Variants in MAML3 observed in about 807,000 individuals in gnomAD.
The protein encoded by MAML3 is mastermind like transcriptional coactivator 3.
Under a neutral mutation model 101.9 loss-of-function variants are expected in MAML3, and 27 were observed. That is an observed-to-expected ratio of 0.27 (90% CI 0.20 to 0.37). The LOEUF (loss-of-function observed/expected upper bound fraction) is 0.37. Among genes scored for constraint, MAML3 ranks in the 10% least tolerant of loss-of-function variants. The pLI, the probability that MAML3 is intolerant of heterozygous loss-of-function variation, is 1.00. For synonymous variants in MAML3, 501 were observed against 555.9 expected (o/e 0.90, Z 1.39); for missense variants, 1,316 against 1,444.9 (o/e 0.91, Z 1.45).
At chr4:139,865,496 GTTTTTTT>G (rs1175520994) in intron 2 of MAML3, among the ~76,000 whole-genome samples, 4 of 122,626 alleles carry the variant, frequency 3.3e-5, no homozygotes, top group African/African-American at 1.1e-4. Flanking sequence ...TTTTTTTTTT[GTTTTTTT>G]TTTTTTTCAT....
chr4:139,842,279 T>G (rs946996490), intron 2 of MAML3, among the ~76,000 whole-genome samples: 1 of 152,256 alleles, frequency 6.6e-6, no homozygotes, highest in Admixed American at 6.5e-5. Flanking sequence ...AAGGGAAGGT[T>G]GTTTTATTCA....
intron 1 of MAML3, among the ~76,000 whole-genome samples, chr4:139,998,744 G>C (rs1037062269): frequency 1.3e-5 from 2 of 152,008 alleles, no homozygotes; most frequent in Non-Finnish European, 2.9e-5. Flanking sequence ...TTCTGTTTTT[G>C]TTTATTTCTT....
intron 1 of MAML3, among the ~76,000 whole-genome samples, chr4:140,029,876 T>C (rs912528713): frequency 3.9e-5 from 6 of 152,222 alleles, no homozygotes; most frequent in Non-Finnish European, 8.8e-5. Context: ...AAAGTTACTC[T>C]GGATAGTTTG....
intron 1 of MAML3, among the ~76,000 whole-genome samples, chr4:140,083,035 A>C (rs746762215): frequency 2.3e-4 from 35 of 152,236 alleles, no homozygotes; most frequent in Non-Finnish European, 3.8e-4. Flanking sequence ...ATAGTGCTTA[A>C]CAGTTTACTC....
chr4:139,861,477 A>ATG (rs55851938), intron 2 of MAML3, among the ~76,000 whole-genome samples: 4,930 of 146,210 alleles, frequency 0.034, 100 homozygotes, highest in African/African-American at 0.055. Context: ...TAACCAGCCG[A>ATG]TGTGTGTGTG....
intron 1 of MAML3, among the ~76,000 whole-genome samples, chr4:140,074,787 A>G (rs532309517): frequency 5.3e-5 from 8 of 152,356 alleles, no homozygotes; most frequent in Non-Finnish European, 1.0e-4. Context: ...GATGGCCCAC[A>G]TGGATGGCTG....
rs74480760 is a variant in MAML3 at position 140,084,371 on chromosome 4, G to A, written c.468+68489C>T. Among the ~76,000 whole-genome samples, 877 of 151,874 alleles carry A rather than the reference G, an allele frequency of 5.8e-3. 8 individuals carry two copies. Among genetic ancestry groups the A allele is most frequent in the African/African-American group, 0.02 (812 of 41,358 alleles). On this transcript the variant is annotated intron_variant, in intron 1 of 4. Transcript: ENST00000509479. ...ACTATTTTTGATGGTTTGTTGCCAC[G>A]TGCACAACCTAATGTGCACGTATAC...
intron 1 of MAML3, among the ~76,000 whole-genome samples, chr4:139,971,229 A>G (rs1734230180): frequency 6.6e-6 from 1 of 152,086 alleles, no homozygotes; most frequent in African/African-American, 2.4e-5. Context: ...GGCTACCTAA[A>G]CTGCACTGCA....
At chr4:139,768,162 T>C (rs1729901029) in intron 2 of MAML3, among the ~76,000 whole-genome samples, 1 of 151,974 alleles carries the variant, frequency 6.6e-6, no homozygotes, top group Non-Finnish European at 1.5e-5. Flanking sequence ...CTTTCATGGA[T>C]GCATAAGTTT....
intron 1 of MAML3, among the ~76,000 whole-genome samples, chr4:140,023,881 A>C (rs7655582): frequency 0.58 from 87,975 of 152,092 alleles, 26,571 homozygotes; most frequent in African/African-American, 0.71. Flanking sequence ...ACAGTTTCAC[A>C]AAATTATTCA....
chr4:140,119,072 T>A (rs1362636288), intron 1 of MAML3, among the ~76,000 whole-genome samples: 1 of 152,188 alleles, frequency 6.6e-6, no homozygotes, highest in Admixed American at 6.5e-5. Flanking sequence ...GCAAGGGGTA[T>A]GGTGGCATTC....
chr4:139,759,562 G>C (rs1354950436), intron 2 of MAML3, among the ~76,000 whole-genome samples: 1 of 152,228 alleles, frequency 6.6e-6, no homozygotes, highest in East Asian at 1.9e-4. Flanking sequence ...AATTGTTTTA[G>C]CACCTAGGCA....
chr4:139,725,854 A>G lies in MAML3; in HGVS notation c.2332-19T>C, dbSNP rs1728451129. 6.2e-7 allele frequency: 1 copy of G among 1,600,548 alleles called. No homozygotes were observed. The highest frequency in any genetic ancestry group is 1.1e-5 in the South Asian group (1 of 90,770). On this transcript the variant is annotated intron_variant, in intron 3 of 4. Transcript: ENST00000509479. ...GCAACTGCTAGAACAACAGAACACA[A>G]GAGGGGTGGAGAGGTGAGATAGGGA... is the stretch of plus-strand genomic sequence containing the variant.
intron 2 of MAML3, among the ~76,000 whole-genome samples, chr4:139,772,040 C>G (rs970902068): frequency 2.7e-5 from 4 of 150,532 alleles, no homozygotes; most frequent in Non-Finnish European, 5.9e-5. Context: ...CAGATCCAGA[C>G]CATCCTGGCT....
intron 1 of MAML3, among the ~76,000 whole-genome samples, chr4:139,931,188 C>T (rs1469278460): frequency 6.6e-6 from 1 of 152,266 alleles, no homozygotes; most frequent in African/African-American, 2.4e-5. Context: ...CTCAAGACAG[C>T]GCCAGCAGAG....
intron 2 of MAML3, among the ~76,000 whole-genome samples, chr4:139,803,255 CA>C: frequency 6.6e-6 from 1 of 151,954 alleles, no homozygotes; most frequent in Admixed American, 6.5e-5. Flanking sequence ...GACCCTGTCT[CA>C]AAAAAGAATC....
chr4:140,145,300 C>T (rs113514311), intron 1 of MAML3, among the ~76,000 whole-genome samples: 16 of 152,136 alleles, frequency 1.1e-4, no homozygotes, highest in African/African-American at 3.4e-4. Flanking sequence ...AACAGGATGG[C>T]AATAAAAGGA....
chr4:140,061,819 GC>G (rs1434404538), intron 1 of MAML3, among the ~76,000 whole-genome samples: 4 of 152,158 alleles, frequency 2.6e-5, no homozygotes, highest in Admixed American at 2.6e-4. Flanking sequence ...ACAATATGGT[GC>G]CTGTATATGC....
chr4:139,985,794 C>T (rs183428112), intron 1 of MAML3, among the ~76,000 whole-genome samples: 176 of 152,340 alleles, frequency 1.2e-3, no homozygotes, highest in African/African-American at 3.8e-3. Context: ...CTACCATGTG[C>T]TACAGACACC....
Sources: allele counts gnomAD v4.1 joint callset (sites outside exome capture counted in the v4.1 genomes callset), GRCh38; gene constraint gnomAD v4.1.1; transcripts MANE v1.5; gene names NCBI Gene and HGNC (gene_info 2026-07-23, HGNC 2026-07-21).